Variants in CEP192 observed in about 807,000 individuals in gnomAD.
CEP192 encodes the protein centrosomal protein of 192 kDa.
In CEP192, 151 loss-of-function variants were observed where a neutral mutation model predicts 271.8. That is an observed-to-expected ratio of 0.56 (90% confidence interval 0.49 to 0.64). The LOEUF (loss-of-function observed/expected upper bound fraction) is 0.64, where lower values mean the gene tolerates loss of function less well. CEP192 is among the 30% of genes least tolerant of loss of function. The pLI is 0.00. For synonymous variants in CEP192, 995 were observed against 1,076.5 expected, an observed-to-expected ratio of 0.92 and a Z score of 1.48; for missense variants, 2,910 against 3,020.5, an observed-to-expected ratio of 0.96 and a Z score of 0.86.
chr18:13,058,790 G>C (rs1015801144), intron 20 of CEP192: 1 of 387,248 alleles, frequency 2.6e-6, no homozygotes, highest in Admixed American at 3.8e-5. Context: ...CTGTGAAAGA[G>C]TGACCTTTGT....
At chr18:13,052,639 T>C (rs2036858146) in intron 17 of CEP192, among the ~76,000 whole-genome samples, 1 of 152,216 alleles carries the variant, frequency 6.6e-6, no homozygotes. Flanking sequence ...ATCAGATACT[T>C]AGCAGATTTT....
At chr18:13,019,414 G>C (rs1486992449) in intron 9 of CEP192, among the ~76,000 whole-genome samples, 1 of 152,046 alleles carries the variant, frequency 6.6e-6, no homozygotes, top group Non-Finnish European at 1.5e-5. Context: ...TTATTGACTT[G>C]CATTTAGATT....
chr18:13,112,604 G>T (rs1254618754), intron 40 of CEP192, among the ~76,000 whole-genome samples: 1 of 152,200 alleles, frequency 6.6e-6, no homozygotes, highest in East Asian at 1.9e-4. Context: ...GTAGTCCCCA[G>T]TGGTGGTTTT....
chr18:13,030,365 A>T, intron 10 of CEP192, 100 bp from the exon 11 acceptor site: 1 of 1,043,360 alleles, frequency 9.6e-7, no homozygotes, highest in South Asian at 1.9e-5. Flanking sequence ...AGTACTGTTG[A>T]TAACTAAGGT....
At position 12,992,233 on chromosome 18, in the gene CEP192, A is replaced by G. The variant is rs186504705; in HGVS notation, c.-5+796A>G. Among the ~76,000 whole-genome samples, 7 of 152,272 alleles carry G rather than the reference A, an allele frequency of 4.6e-5. No individual in the cohort carries two copies. The East Asian group carries it at 1.2e-3, about 25-fold the overall frequency. The stretch of plus-strand genomic sequence containing the variant: ...GCTCCAAAATCAACTTTTTCTCCAA[A>G]TTTCAGTTTTCTAGGCAAAAACGGC... On this transcript the variant is annotated intron_variant, in intron 1 of 44. Coordinates refer to ENST00000506447, the MANE Select transcript of CEP192 (RefSeq NM_032142.4).
At chr18:13,037,332 A>T in intron 12 of CEP192, 31 bp downstream of exon 12, 1 of 1,009,114 alleles carries the variant, frequency 9.9e-7, no homozygotes. Flanking sequence ...TCCAAAATTT[A>T]AAATTTTTCC....
intron 3 of CEP192, among the ~76,000 whole-genome samples, chr18:13,007,792 T>TA (rs1006578604): frequency 2.6e-5 from 4 of 151,748 alleles, no homozygotes; most frequent in Admixed American, 6.6e-5. Context: ...GAAGGACTTT[T>TA]AAAAAAAAAT....
intron 6 of CEP192, 130 bp from the exon 7 acceptor site, chr18:13,017,058 T>C: frequency 1.6e-6 from 1 of 638,832 alleles, no homozygotes; most frequent in South Asian, 2.2e-5. Flanking sequence ...AGTTTTCTCA[T>C]GTCAAACAAA....
At chr18:13,062,581 T>A (rs917524962) in intron 21 of CEP192, among the ~76,000 whole-genome samples, 4 of 151,838 alleles carry the variant, frequency 2.6e-5, no homozygotes, top group Non-Finnish European at 4.4e-5. Flanking sequence ...TAATTTAAAA[T>A]TTTTCTTTTA....
chr18:13,102,913 C>T (rs546487634), intron 38 of CEP192, among the ~76,000 whole-genome samples: 7 of 152,358 alleles, frequency 4.6e-5, no homozygotes, highest in South Asian at 2.1e-4. Flanking sequence ...ATCTCATGGG[C>T]ACATCAGATG....
intron 44 of CEP192, among the ~76,000 whole-genome samples, chr18:13,118,095 C>T (rs1208489642): frequency 6.6e-6 from 1 of 152,170 alleles, no homozygotes; most frequent in Non-Finnish European, 1.5e-5. Context: ...TTAGACACTC[C>T]TTACTGTTCT....
intron 2 of CEP192, among the ~76,000 whole-genome samples, chr18:13,000,101 T>TA (rs2033535444): frequency 7.3e-6 from 1 of 137,456 alleles, no homozygotes; most frequent in Admixed American, 7.3e-5. Flanking sequence ...CTTTTTTTTT[T>TA]TTTTTTTTTT....
intron 3 of CEP192, among the ~76,000 whole-genome samples, chr18:13,004,209 G>A (rs2033837611): frequency 6.6e-6 from 1 of 152,310 alleles, no homozygotes; most frequent in East Asian, 1.9e-4. Context: ...GTTTGAGGCA[G>A]TAGACAGCTT....
chr18:13,117,560 T>C (rs1376565382), intron 43 of CEP192, 25 bp from the exon 44 acceptor site: 3 of 1,535,388 alleles, frequency 2.0e-6, no homozygotes, highest in South Asian at 2.2e-5. Context: ...CATAACTTTA[T>C]AAAGTGTCTT....
At chr18:13,052,665 T>C (rs1450659119) in intron 17 of CEP192, among the ~76,000 whole-genome samples, 3 of 152,228 alleles carry the variant, frequency 2.0e-5, no homozygotes, top group African/African-American at 7.2e-5. Flanking sequence ...CATGAATAGC[T>C]AATTGCTAAT....
Position 13,081,351 on chromosome 18 carries a change from T to C in CEP192, c.5617-5666T>C, listed in dbSNP as rs905505137. Reference sequence around the variant, plus strand: ...TCTATTTAGAGATTCAACTTCTTCCTGGTTTAGTCTTGGGAGGATGTATGT... The same window carrying C: ...TCTATTTAGAGATTCAACTTCTTCCCGGTTTAGTCTTGGGAGGATGTATGT... On this transcript the variant is annotated intron_variant, in intron 30 of 44. Transcript: ENST00000506447. 4.6e-5 allele frequency among the ~76,000 whole-genome samples: 7 copies of C among 152,372 alleles called. No homozygotes were observed. The South Asian group carries it at 1.0e-3, about 23-fold the overall frequency.
Position 13,068,931 on chromosome 18 carries a change from A to G in CEP192, c.4902A>G (p.Arg1634=). Residue 1634 remains arginine, a synonymous_variant, in exon 25 of 45, where the codon AGA becomes AGG. Transcript: ENST00000506447. ...VDSPNPTPVL[R]SVSLRARAGI... ...GCCCAAACCCTACGCCCGTTCTTAG[A>G]AGTGTGAGTCTCCGAGCAAGAGCAG... The G allele has an allele frequency of 6.2e-7, 1 of 1,614,194 alleles. No homozygotes were observed. Among genetic ancestry groups the G allele is most frequent in the Non-Finnish European group, 8.5e-7 (1 of 1,180,026 alleles).
chr18:13,111,358 C>G (rs2145043245), intron 40 of CEP192, among the ~76,000 whole-genome samples: 1 of 152,274 alleles, frequency 6.6e-6, no homozygotes, highest in South Asian at 2.1e-4. Context: ...ATCTCCTGAC[C>G]TTGTGATCCA....
At chr18:13,000,384 G>C (rs969594386) in intron 2 of CEP192, 6 of 152,114 alleles carry the variant, frequency 3.9e-5, no homozygotes, top group African/African-American at 1.4e-4. Context: ...CTACTGAACT[G>C]TCTCTTGATA....
Sources: gnomAD v4.1 joint callset for allele counts (sites outside exome capture counted in the v4.1 genomes callset) on GRCh38, gnomAD v4.1.1 for gene constraint, MANE v1.5 for transcripts, NCBI Gene and HGNC (gene_info 2026-07-23, HGNC 2026-07-21) for gene names.